The following MARCHF1 variants were observed in gnomAD, a reference collection of about 807,000 sequenced individuals.
The protein encoded by MARCHF1 is E3 ubiquitin-protein ligase MARCHF1.
A neutral mutation model predicts 54.2 loss-of-function variants in MARCHF1; 40 were observed. That is an observed-to-expected ratio of 0.74 (90% confidence interval 0.57 to 0.96). MARCHF1 has a LOEUF of 0.96. Among genes scored for constraint, MARCHF1 ranks in the 40% least tolerant of loss-of-function variants. The pLI is 0.00. For missense variants in MARCHF1, 586 were observed against 656.5 expected (o/e 0.89, Z 1.17); for synonymous variants, 236 against 236.3 (o/e 1.00, Z 0.01).
intron 5 of MARCHF1, among the ~76,000 whole-genome samples, chr4:163,659,057 TTTA>T (rs2111093841): frequency 6.6e-6 from 1 of 152,158 alleles, no homozygotes; most frequent in East Asian, 1.9e-4. Context: ...TTCTCTGGAT[TTTA>T]TTGTTTTCAT....
At chr4:164,378,512 C>T (rs1268344575) in intron 1 of MARCHF1, among the ~76,000 whole-genome samples, 1 of 152,196 alleles carries the variant, frequency 6.6e-6, no homozygotes, top group African/African-American at 2.4e-5. Flanking sequence ...CCTGTGAATG[C>T]ACCAGTAGAA....
At chr4:163,696,542 C>A (rs1248667849) in intron 5 of MARCHF1, among the ~76,000 whole-genome samples, 3 of 152,246 alleles carry the variant, frequency 2.0e-5, no homozygotes, top group South Asian at 4.2e-4. Context: ...CATGAGCTGT[C>A]AAACTCATTG....
At chr4:163,913,218 T>C (rs2111340753) in intron 3 of MARCHF1, among the ~76,000 whole-genome samples, 1 of 152,346 alleles carries the variant, frequency 6.6e-6, no homozygotes, top group Non-Finnish European at 1.5e-5. Flanking sequence ...GTTTGCGTTT[T>C]GTGTGACCAC....
At chr4:164,350,602 ACT>A (rs988215740) in intron 1 of MARCHF1, among the ~76,000 whole-genome samples, 13 of 152,304 alleles carry the variant, frequency 8.5e-5, no homozygotes, top group African/African-American at 1.4e-4. Flanking sequence ...TCAAAATATC[ACT>A]CTGTGTCCCA....
chr4:163,723,721 GTCTTTTTAC>G (rs1333240322), intron 4 of MARCHF1, among the ~76,000 whole-genome samples: 13 of 152,060 alleles, frequency 8.5e-5, no homozygotes, highest in Non-Finnish European at 1.8e-4. Flanking sequence ...CTTTGTTCAT[GTCTTTTTAC>G]TCTTTTTTCT....
At chr4:164,193,029 C>T (rs1731162106) in intron 1 of MARCHF1, among the ~76,000 whole-genome samples, 1 of 152,126 alleles carries the variant, frequency 6.6e-6, no homozygotes, top group Non-Finnish European at 1.5e-5. Context: ...TGTGATATAG[C>T]TAAATTCTTA....
At chr4:164,377,461 T>C (rs1284829428) in intron 1 of MARCHF1, among the ~76,000 whole-genome samples, 1 of 152,154 alleles carries the variant, frequency 6.6e-6, no homozygotes, top group Admixed American at 6.5e-5. Flanking sequence ...AATAGGACAG[T>C]TGTTTCTAAG....
intron 9 of MARCHF1, among the ~76,000 whole-genome samples, chr4:163,533,940 C>T (rs1216701997): frequency 4.0e-5 from 6 of 151,874 alleles, no homozygotes; most frequent in Non-Finnish European, 5.9e-5. Flanking sequence ...AATAAATGCT[C>T]ATGATCTATA....
intron 1 of MARCHF1, among the ~76,000 whole-genome samples, chr4:164,223,100 C>T (rs1732158949): frequency 6.6e-6 from 1 of 151,914 alleles, no homozygotes; most frequent in Non-Finnish European, 1.5e-5. Context: ...GGACATAGCC[C>T]CCATGATTCA....
chr4:164,088,703 C>T (rs986853338), intron 2 of MARCHF1, among the ~76,000 whole-genome samples: 3 of 152,130 alleles, frequency 2.0e-5, no homozygotes, highest in Admixed American at 2.0e-4. Flanking sequence ...CGCACCACTG[C>T]ACTCTGGCCT....
chr4:163,626,960 G>A (rs1259800261), intron 5 of MARCHF1, among the ~76,000 whole-genome samples: 1 of 152,056 alleles, frequency 6.6e-6, no homozygotes, highest in East Asian at 1.9e-4. Flanking sequence ...TAGTTCTAGG[G>A]AACAGAAATA....
chr4:164,371,219 T>C (rs1252247742), intron 1 of MARCHF1, among the ~76,000 whole-genome samples: 1 of 152,084 alleles, frequency 6.6e-6, no homozygotes, highest in African/African-American at 2.4e-5. Context: ...GGTGGGGGGA[T>C]GGGTTAATCC....
At chr4:164,119,100 G>A (rs1036270444) in intron 1 of MARCHF1, among the ~76,000 whole-genome samples, 1 of 151,418 alleles carries the variant, frequency 6.6e-6, no homozygotes, top group African/African-American at 2.4e-5. Flanking sequence ...AGTGAGAATT[G>A]ACTACACATT....
intron 1 of MARCHF1, among the ~76,000 whole-genome samples, chr4:164,184,500 G>A (rs1730915238): frequency 1.3e-5 from 2 of 152,148 alleles, no homozygotes; most frequent in African/African-American, 4.8e-5. Context: ...GATACACTCT[G>A]CACTGATGGA....
chr4:163,803,835 A>G (rs898675237), intron 4 of MARCHF1, among the ~76,000 whole-genome samples: 11 of 152,202 alleles, frequency 7.2e-5, no homozygotes, highest in African/African-American at 2.7e-4. Context: ...TCTTAAAGTT[A>G]CACAAATATA....
At chr4:163,575,309 T>A (rs2110776532) in intron 8 of MARCHF1, among the ~76,000 whole-genome samples, 1 of 152,306 alleles carries the variant, frequency 6.6e-6, no homozygotes, top group South Asian at 2.1e-4. Flanking sequence ...TCTATTGAGA[T>A]GACCATATGG....
chr4:164,070,741 T>G (rs1182023057), intron 2 of MARCHF1, among the ~76,000 whole-genome samples: 1 of 152,202 alleles, frequency 6.6e-6, no homozygotes, highest in Non-Finnish European at 1.5e-5. Context: ...GCAGGCAGAG[T>G]TACGCAGTCT....
intron 1 of MARCHF1, among the ~76,000 whole-genome samples, chr4:164,365,715 A>G (rs1036751707): frequency 2.6e-5 from 4 of 152,086 alleles, no homozygotes; most frequent in African/African-American, 9.6e-5. Flanking sequence ...TCAGAGGCCA[A>G]TGAAAAGTTG....
intron 4 of MARCHF1, among the ~76,000 whole-genome samples, chr4:163,768,252 C>A (rs1478911677): frequency 2.0e-5 from 3 of 152,092 alleles, no homozygotes; most frequent in African/African-American, 4.8e-5. Context: ...AGTTGGAGAT[C>A]CTCACTCCAA....
Sources: allele counts gnomAD v4.1 joint callset (sites outside exome capture counted in the v4.1 genomes callset), GRCh38; gene constraint gnomAD v4.1.1; transcripts MANE v1.5; gene names NCBI Gene and HGNC (gene_info 2026-07-23, HGNC 2026-07-21).